Variants in HMGXB3 observed in about 807,000 individuals in gnomAD.
HMGXB3 encodes the protein HMG-box containing 3, also known as HMG domain-containing protein 3.
In HMGXB3, 45 loss-of-function variants were observed where a neutral mutation model predicts 121.5. The observed-to-expected ratio is 0.37, with a 90% CI of 0.29 to 0.47. The LOEUF is 0.47. Among genes scored for constraint, HMGXB3 ranks in the 20% least tolerant of loss-of-function variants. HMGXB3 has a pLI of 0.99. For synonymous variants in HMGXB3, 590 were observed against 624.1 expected, an observed-to-expected ratio of 0.95 and a Z score of 0.81; for missense variants, 1,376 against 1,602.2, an observed-to-expected ratio of 0.86 and a Z score of 2.41.
intron 6 of HMGXB3, among the ~76,000 whole-genome samples, chr5:150,018,934 C>G (rs1193312068): frequency 6.6e-6 from 1 of 152,062 alleles, no homozygotes; most frequent in African/African-American, 2.4e-5. Context: ...TGGTGTACTT[C>G]TTTCCAGTCT....
In HMGXB3 at chr5:150,027,058, A is replaced by G; in HGVS notation, c.1675A>G (p.Ser559Gly). 3.9e-6 allele frequency: 6 copies of G among 1,551,740 alleles called. No individual in the cohort carries two copies. The highest frequency in any genetic ancestry group is 4.4e-6 in the Non-Finnish European group (5 of 1,147,000). Reference sequence around the variant, plus strand: ...TGTGAGGACTTGTGGTCTGAAGCCAAGCACACTGAAGCAGCTGGGCCAGCC... The same window carrying G: ...TGTGAGGACTTGTGGTCTGAAGCCAGGCACACTGAAGCAGCTGGGCCAGCC... ...PSVRTCGLKP[S>G]TLKQLGQPIQ... The change falls in exon 9 of 20, where the codon AGC becomes GGC. Residue 559 changes from serine to glycine, a missense_variant. By Grantham distance (56) the Ser-to-Gly change is moderately conservative (BLOSUM62 0). Around this residue, in one of 2 missense-constraint regions of HMGXB3, gnomAD observed 1,116 missense variants for 1,369.0 expected, o/e 0.82. Coordinates refer to ENST00000502717, the MANE Select transcript of HMGXB3 (RefSeq NM_014983.3).
chr5:150,016,056 G>A (rs1414843398), intron 5 of HMGXB3, among the ~76,000 whole-genome samples: 1 of 152,078 alleles, frequency 6.6e-6, no homozygotes, highest in Non-Finnish European at 1.5e-5. Context: ...TATAAGAGAA[G>A]GCATCTGGCC....
chr5:150,006,960 T>G (rs537700990), intron 3 of HMGXB3, among the ~76,000 whole-genome samples: 27 of 152,348 alleles, frequency 1.8e-4, no homozygotes, highest in Non-Finnish European at 3.1e-4. Flanking sequence ...TGTAGTAAAC[T>G]TTAATATAGT....
intron 11 of HMGXB3, among the ~76,000 whole-genome samples, chr5:150,034,201 C>A (rs960495671): frequency 6.6e-6 from 1 of 152,180 alleles, no homozygotes; most frequent in African/African-American, 2.4e-5. Flanking sequence ...GCTTTCTTCC[C>A]GGATTTTCAG....
chr5:150,005,885 T>TGACAG (rs1159685132), intron 2 of HMGXB3, among the ~76,000 whole-genome samples: 2 of 152,200 alleles, frequency 1.3e-5, no homozygotes, highest in Non-Finnish European at 1.5e-5. Flanking sequence ...GAGAGTGGAA[T>TGACAG]GACAGGACAG....
rs545006455 is a variant in HMGXB3 at position 150,039,615 on chromosome 5, G to C, written c.2414-1133G>C. 7.9e-5 allele frequency among the ~76,000 whole-genome samples: 12 copies of C among 151,764 alleles called. No individual in the cohort carries two copies. The South Asian group carries it at 2.3e-3, about 29-fold the overall frequency. On this transcript the variant is annotated intron_variant, in intron 13 of 19. Coordinates refer to ENST00000502717, the MANE Select transcript of HMGXB3 (RefSeq NM_014983.3). ...TTTTTCTATAGTAAATTTCTTTTGT[G>C]TTTTCATTCTTCTTTTGGTCTTTTT...
In HMGXB3 at chr5:150,001,111, C is replaced by T. The variant is rs1004708591; in HGVS notation, c.-71C>T. ...CGGGGAGCGCGAGTGCGCCAGCCAT[C>T]CCCCTCGTCCAGCCGCCGGGCCAAG... is the stretch of plus-strand genomic sequence containing the variant. On this transcript the variant is annotated 5_prime_UTR_variant, in exon 1 of 20. Transcript: ENST00000502717. 6 of 154,220 alleles carry T rather than the reference C, an allele frequency of 3.9e-5. No individual in the cohort carries two copies. Among genetic ancestry groups the T allele is most frequent in the Non-Finnish European group, 8.8e-5 (6 of 68,278 alleles). The allele number at this position is 154,220 out of a possible 1,614,324, so 9.6% of individuals were successfully genotyped here.
chr5:150,007,892 A>G (rs1755737301), intron 3 of HMGXB3, among the ~76,000 whole-genome samples: 1 of 152,058 alleles, frequency 6.6e-6, no homozygotes, highest in Non-Finnish European at 1.5e-5. Context: ...CTATCTCTAC[A>G]AAAAATAGGA....
chr5:150,041,505 AAATTGAGGTGAGATT>A (rs1159256212), intron 14 of HMGXB3, among the ~76,000 whole-genome samples: 1 of 152,270 alleles, frequency 6.6e-6, no homozygotes, highest in Non-Finnish European at 1.5e-5. Flanking sequence ...ATAAAGAATT[AAATTGAGGTGAGATT>A]AATGACATAA....
chr5:150,046,234 C>T (rs967305862), intron 16 of HMGXB3, among the ~76,000 whole-genome samples: 1 of 152,176 alleles, frequency 6.6e-6, no homozygotes, highest in African/African-American at 2.4e-5. Context: ...GCGATAATAG[C>T]TACCCACTTC....
chr5:150,028,478 G>GAT (rs202157829), intron 9 of HMGXB3, among the ~76,000 whole-genome samples: 15 of 119,540 alleles, frequency 1.3e-4, no homozygotes, highest in African/African-American at 3.8e-4. Flanking sequence ...ATGTGTGTTT[G>GAT]ATATATATAT....
chr5:150,001,249 G>GCCT (rs1755556553), intron 1 of HMGXB3, 70 bp downstream of exon 1: 1 of 152,492 alleles, frequency 6.6e-6, no homozygotes, highest in Non-Finnish European at 1.5e-5. Flanking sequence ...GGCTCTCTGA[G>GCCT]CCTCTACTGA....
intron 6 of HMGXB3, chr5:150,021,581 T>C (rs1010906190): frequency 2.4e-5 from 10 of 417,590 alleles, no homozygotes. Flanking sequence ...GCATCTGCAG[T>C]GGTGACTTGC....
chr5:150,042,969 C>T (rs186509277), intron 15 of HMGXB3, among the ~76,000 whole-genome samples: 38 of 152,308 alleles, frequency 2.5e-4, no homozygotes, highest in African/African-American at 8.7e-4. Flanking sequence ...TGAATATACT[C>T]ATGAATATAG....
At chr5:150,002,844 A>T (rs1755610320) in intron 1 of HMGXB3, among the ~76,000 whole-genome samples, 1 of 152,082 alleles carries the variant, frequency 6.6e-6, no homozygotes, top group Admixed American at 6.5e-5. Context: ...TTGCTATTTC[A>T]GTTAATTACA....
chr5:150,051,725 A>T lies in HMGXB3; in HGVS notation c.3412A>T (p.Ser1138Cys). The change falls in exon 20 of 20, where the codon AGT becomes TGT. Residue 1138 changes from serine to cysteine, a missense_variant and splice_region_variant. By Grantham distance (112) the Ser-to-Cys change is moderately radical. Transcript: ENST00000502717. ...CFSSPTEPPVSVSCPELLDQH... is the reference protein window; with the variant it reads ...CFSSPTEPPVCVSCPELLDQH... Reference sequence around the variant, plus strand: ...AAATGCATTCTCATTTCTCTTCTAGAGTGTGTCCTGCCCAGAGCTCTTGGA... The same window carrying T: ...AAATGCATTCTCATTTCTCTTCTAGTGTGTGTCCTGCCCAGAGCTCTTGGA... 6.6e-7 allele frequency: 1 copy of T among 1,517,710 alleles called. No homozygotes were observed. Among genetic ancestry groups the T allele is most frequent in the Non-Finnish European group, 8.8e-7 (1 of 1,131,372 alleles). 94.0% of individuals were successfully genotyped at this position (1,517,710 alleles called of 1,614,324 possible). A position where few individuals can be genotyped will look rare whatever the true frequency, so the allele number is the denominator to read the frequency against.
At chr5:150,051,192 A>G (rs1295013429) in intron 19 of HMGXB3, among the ~76,000 whole-genome samples, 2 of 152,212 alleles carry the variant, frequency 1.3e-5, no homozygotes, top group African/African-American at 2.4e-5. Flanking sequence ...ACCAGACAGT[A>G]TTTCTCACCA....
At chr5:150,044,251 G>C in intron 15 of HMGXB3, among the ~76,000 whole-genome samples, 1 of 152,190 alleles carries the variant, frequency 6.6e-6, no homozygotes, top group African/African-American at 2.4e-5. Flanking sequence ...TGTTATCCAT[G>C]AAGAGACTTG....
At chr5:150,005,834 G>T (rs1000927114) in intron 2 of HMGXB3, among the ~76,000 whole-genome samples, 4 of 152,134 alleles carry the variant, frequency 2.6e-5, no homozygotes, top group Admixed American at 2.0e-4. Flanking sequence ...AGAGGAGCAC[G>T]GAGTGTGAGT....
Sources: gnomAD v4.1 joint callset for allele counts (sites outside exome capture counted in the v4.1 genomes callset) on GRCh38, gnomAD v4.1.1 for gene constraint, gnomAD v4.1.1 regional missense constraint, MANE v1.5 for transcripts, NCBI Gene and HGNC (gene_info 2026-07-23, HGNC 2026-07-21) for gene names.